ZSCAN25: variants seen among roughly 807,000 people sequenced by gnomAD.
ZSCAN25 encodes zinc finger and SCAN domain-containing protein 25.
ZSCAN25 carries 27 observed loss-of-function variants against 38.7 expected under a neutral mutation model. That is an observed-to-expected ratio of 0.70 (90% CI 0.51 to 0.96). The LOEUF is 0.96. Ranked by LOEUF, ZSCAN25 falls within the 40% of genes least tolerant of loss-of-function variation. The pLI is 0.00. For synonymous variants in ZSCAN25, 273 were observed against 277.7 expected (o/e 0.98, Z 0.17); for missense variants, 637 against 705.9 (o/e 0.90, Z 1.11).
chr7:99,660,552 G>A, the ZSCAN25 span: 10 of 1,613,840 alleles, frequency 6.2e-6, no homozygotes, highest in South Asian at 1.1e-4. Flanking sequence ...TGGACATCAG[G>A]GTGAGTGGCC....
chr7:99,624,270 A>G (rs879937719), intron 7 of ZSCAN25, 90 bp downstream of exon 7: 2 of 1,568,320 alleles, frequency 1.3e-6, no homozygotes, highest in Admixed American at 1.7e-5. Context: ...CTCCTGGCAA[A>G]GGAAGGGGAC....
chr7:99,705,172 A>AAAT, the ZSCAN25 span: 138 of 259,026 alleles, frequency 5.3e-4, no homozygotes, highest in South Asian at 5.3e-3. Flanking sequence ...ATTGTGGTTG[A>AAAT]AATTATTGAG....
Position 99,629,579 on chromosome 7 carries a change from G to A in ZSCAN25, c.1194G>A (p.Leu398=), listed in dbSNP as rs772498228. 6 of 1,614,190 alleles carry A rather than the reference G, an allele frequency of 3.7e-6. No individual in the cohort carries two copies. The Admixed American group carries it at 1.0e-4, about 27-fold the overall frequency. Residue 398 remains leucine (L), a synonymous_variant, in exon 8 of 8, where the codon CTG becomes CTA. Transcript: ENST00000394152. This position sits in a 1 kb window ranked among gnomAD's most constrained non-coding sequence, Gnocchi z 5.6. The part of the protein sequence containing the change: ...EYLMKHQRTH[L]GKRPYVCSEC... Reference sequence around the variant, plus strand: ...TGATGAAGCACCAGAGAACCCACCTGGGAAAGAGGCCCTACGTGTGCAGCG... The same window carrying A: ...TGATGAAGCACCAGAGAACCCACCTAGGAAAGAGGCCCTACGTGTGCAGCG...
the ZSCAN25 span, among the ~76,000 whole-genome samples, chr7:99,653,602 A>T: frequency 7.9e-5 from 12 of 152,194 alleles, no homozygotes; most frequent in African/African-American, 2.9e-4. This position sits in a 1 kb window ranked among gnomAD's most constrained non-coding sequence, Gnocchi z 4.2. Context: ...ATAGAACCCC[A>T]CACTCAGCCC....
the ZSCAN25 span, chr7:99,685,094 A>G: frequency 1.5e-6 from 2 of 1,369,172 alleles, no homozygotes; most frequent in Middle Eastern, 3.6e-4. Flanking sequence ...CTGGTGTTCT[A>G]GGTCACAGCT....
chr7:99,624,904 C>T (rs1476231859), intron 7 of ZSCAN25, among the ~76,000 whole-genome samples: 1 of 152,166 alleles, frequency 6.6e-6, no homozygotes, highest in African/African-American at 2.4e-5. Flanking sequence ...AGGATGCCGG[C>T]GGGGAGAGGA....
the ZSCAN25 span, chr7:99,699,866 A>G: frequency 2.6e-6 from 2 of 783,824 alleles, no homozygotes; most frequent in Non-Finnish European, 4.5e-6. Context: ...TCCTCCTTGA[A>G]CATCTCTTTT....
At chr7:99,686,428 C>G in the ZSCAN25 span, among the ~76,000 whole-genome samples, 2 of 152,316 alleles carry the variant, frequency 1.3e-5, no homozygotes, top group African/African-American at 4.8e-5. Flanking sequence ...AGTCTGAGAT[C>G]AAACTGCAAG....
chr7:99,641,435 A>G, the ZSCAN25 span, among the ~76,000 whole-genome samples: 1 of 152,140 alleles, frequency 6.6e-6, no homozygotes, highest in African/African-American at 2.4e-5. Context: ...TATGGAAACT[A>G]TAATTCAAGA....
the ZSCAN25 span, among the ~76,000 whole-genome samples, chr7:99,679,233 TCA>T: frequency 6.6e-6 from 1 of 151,894 alleles, no homozygotes; most frequent in East Asian, 1.9e-4. Context: ...GAGGGGATTT[TCA>T]GGGGCATGGC....
chr7:99,685,116 C>G, the ZSCAN25 span: 9 of 1,524,728 alleles, frequency 5.9e-6, no homozygotes, highest in Non-Finnish European at 7.3e-6. Context: ...TTTTGAAGAG[C>G]AAAGCAGAAG....
At chr7:99,666,624 T>C in the ZSCAN25 span, 6 of 1,613,904 alleles carry the variant, frequency 3.7e-6, no homozygotes, top group Non-Finnish European at 5.1e-6. Context: ...CAGGCTTGCC[T>C]TTCTCTGCTT....
Position 99,630,503 on chromosome 7 carries a change from A to G in ZSCAN25, c.*483A>G, listed in dbSNP as rs1352269581. 9.0e-6 allele frequency: 9 copies of G among 995,824 alleles called. No individual in the cohort carries two copies. The African/African-American group carries it at 1.4e-4, about 15-fold the overall frequency. 61.7% of individuals were successfully genotyped at this position (995,824 alleles called of 1,614,324 possible). ...GTGGGAATGCCGTGGTGAATGAGAG[A>G]CTAGACGTGATGCCTCTGGGGGTTG... On this transcript the variant is annotated 3_prime_UTR_variant, in exon 8 of 8. Coordinates refer to ENST00000394152, the MANE Select transcript of ZSCAN25 (RefSeq NM_145115.3).
At chr7:99,693,204 C>T in the ZSCAN25 span, among the ~76,000 whole-genome samples, 1 of 152,126 alleles carries the variant, frequency 6.6e-6, no homozygotes, top group Non-Finnish European at 1.5e-5. Context: ...ACCCTGTTTG[C>T]CTGGGTATTA....
At chr7:99,655,798 C>T in the ZSCAN25 span, among the ~76,000 whole-genome samples, 97 of 152,228 alleles carry the variant, frequency 6.4e-4, 1 homozygote, top group Admixed American at 1.2e-3. Flanking sequence ...CCTTCACATC[C>T]CTTGTAAGTT....
At position 99,630,369 on chromosome 7, in the gene ZSCAN25, C is replaced by T; in HGVS notation, c.*349C>T. 2.8e-6 allele frequency: 3 copies of T among 1,071,056 alleles called. No individual in the cohort carries two copies. Among genetic ancestry groups the T allele is most frequent in the African/African-American group, 1.7e-5 (1 of 60,236 alleles). 66.3% of individuals were successfully genotyped at this position (1,071,056 alleles called of 1,614,324 possible). ...CACGTGTTGGTAGCTGGGACCTCATCTTCCTGAGGGCTCTGTCTTGCCTGC... is the reference window on the plus strand; with the variant it reads ...CACGTGTTGGTAGCTGGGACCTCATTTTCCTGAGGGCTCTGTCTTGCCTGC... On this transcript the variant is annotated 3_prime_UTR_variant, in exon 8 of 8. Coordinates refer to ENST00000394152, the MANE Select transcript of ZSCAN25 (RefSeq NM_145115.3).
the ZSCAN25 span, among the ~76,000 whole-genome samples, chr7:99,655,106 G>T: frequency 6.6e-6 from 1 of 152,214 alleles, no homozygotes; most frequent in South Asian, 2.1e-4. Flanking sequence ...GTCAATTTTG[G>T]CTTTTGTTGC....
chr7:99,707,812 CTG>C, the ZSCAN25 span: 1 of 1,613,636 alleles, frequency 6.2e-7, no homozygotes, highest in Non-Finnish European at 8.5e-7. Flanking sequence ...ATTGACTGAC[CTG>C]TGTTTCTTTA....
At chr7:99,665,419 C>T in the ZSCAN25 span, 1 of 1,451,754 alleles carries the variant, frequency 6.9e-7, no homozygotes, top group South Asian at 1.2e-5. Context: ...CATAAAGAGC[C>T]ACAGACTTTC....
Sources: gnomAD v4.1 joint callset for allele counts (sites outside exome capture counted in the v4.1 genomes callset) on GRCh38, gnomAD v4.1.1 for gene constraint, Gnocchi (gnomAD v3.1) non-coding constraint, MANE v1.5 for transcripts, NCBI Gene and HGNC (gene_info 2026-07-23, HGNC 2026-07-21) for gene names.